The following FAM163A variants were observed in gnomAD, a reference collection of about 807,000 sequenced individuals.
FAM163A encodes protein FAM163A.
A neutral mutation model predicts 12.0 loss-of-function variants in FAM163A; 7 were observed. The observed-to-expected ratio is 0.58, with a 90% CI of 0.33 to 1.10. FAM163A has a LOEUF of 1.10. FAM163A is among the 50% of genes least tolerant of loss of function. FAM163A has a pLI of 0.03. For synonymous variants in FAM163A, 101 were observed against 91.0 expected (o/e 1.11, Z -0.62); for missense variants, 202 against 218.6 (o/e 0.92, Z 0.48).
intron 1 of FAM163A, among the ~76,000 whole-genome samples, chr1:179,775,554 T>TCCCC (rs1242771706): frequency 6.6e-6 from 1 of 152,164 alleles, no homozygotes; most frequent in African/African-American, 2.4e-5. Context: ...AATCGCAATA[T>TCCCC]CCCCTGTCAA....
intron 1 of FAM163A, among the ~76,000 whole-genome samples, chr1:179,744,603 C>T (rs1293488612): frequency 2.6e-5 from 4 of 152,214 alleles, no homozygotes; most frequent in Admixed American, 2.0e-4. Flanking sequence ...TTCCTTTCCT[C>T]TGAGTGGAAC....
At chr1:179,734,419 T>A in the FAM163A span, among the ~76,000 whole-genome samples, 3 of 152,158 alleles carry the variant, frequency 2.0e-5, no homozygotes, top group South Asian at 6.2e-4. Flanking sequence ...TCCTTTTTTT[T>A]ATATCTGTCT....
intron 1 of FAM163A, among the ~76,000 whole-genome samples, chr1:179,776,962 G>T (rs1689068685): frequency 6.6e-6 from 1 of 152,170 alleles, no homozygotes; most frequent in African/African-American, 2.4e-5. Flanking sequence ...TACGCCAATG[G>T]AATTATGCAA....
At chr1:179,735,852 G>C in the FAM163A span, among the ~76,000 whole-genome samples, 1 of 152,134 alleles carries the variant, frequency 6.6e-6, no homozygotes, top group Non-Finnish European at 1.5e-5. Context: ...AGCAGCACTC[G>C]CACTTGCATG....
chr1:179,799,137 TGCTG>T lies in FAM163A; in HGVS notation c.-135-8660_-135-8657del, dbSNP rs538397491. On this transcript the variant is annotated intron_variant, in intron 1 of 4. Coordinates refer to ENST00000341785, the MANE Select transcript of FAM163A (RefSeq NM_173509.3). Reference sequence around the variant, plus strand: ...GAAACAAGTGAAACAAGTGTTTCACTGCTGAAAGAAGTGAAACAAGCCCTATAGA... The same window carrying T: ...GAAACAAGTGAAACAAGTGTTTCACTAAAGAAGTGAAACAAGCCCTATAGA... Among the ~76,000 whole-genome samples, 1,361 of 152,308 alleles carry T rather than the reference TGCTG, an allele frequency of 8.9e-3. 20 individuals are homozygous for T. Among genetic ancestry groups the T allele is most frequent in the African/African-American group, 0.031 (1,293 of 41,560 alleles).
chr1:179,744,325 G>A (rs2487739), intron 1 of FAM163A, among the ~76,000 whole-genome samples: 94,488 of 151,818 alleles, frequency 0.62, 30,264 homozygotes, highest in African/African-American at 0.77. Flanking sequence ...GGCCCAGAGG[G>A]GGGCCTGGCC....
intron 1 of FAM163A, among the ~76,000 whole-genome samples, chr1:179,797,049 A>G (rs545966518): frequency 6.6e-6 from 1 of 152,276 alleles, no homozygotes; most frequent in African/African-American, 2.4e-5. Flanking sequence ...GAATCAGCAC[A>G]TCCTGCCTCA....
At chr1:179,765,101 C>G (rs1373180506) in intron 1 of FAM163A, among the ~76,000 whole-genome samples, 2 of 152,190 alleles carry the variant, frequency 1.3e-5, no homozygotes, top group Non-Finnish European at 2.9e-5. Flanking sequence ...AACCCCCTTC[C>G]TCGTCCACCT....
At chr1:179,729,904 G>A in the FAM163A span, among the ~76,000 whole-genome samples, 6 of 152,262 alleles carry the variant, frequency 3.9e-5, no homozygotes, top group East Asian at 5.8e-4. Context: ...TGGGCATAGC[G>A]AGGATGCATA....
At chr1:179,729,178 G>A in the FAM163A span, among the ~76,000 whole-genome samples, 2 of 152,096 alleles carry the variant, frequency 1.3e-5, no homozygotes, top group Non-Finnish European at 2.9e-5. Flanking sequence ...AAGAAACTTG[G>A]TGTATATTGA....
At chr1:179,742,100 A>C (rs1020169129), upstream of FAM163A, 2 of 152,204 alleles carry the variant, frequency 1.3e-5, no homozygotes, top group African/African-American at 4.8e-5. Context: ...ACCTGTGAGT[A>C]GAGTTAGAGT....
intron 3 of FAM163A, among the ~76,000 whole-genome samples, chr1:179,812,391 G>C (rs1476867795): frequency 2.0e-5 from 3 of 152,090 alleles, no homozygotes; most frequent in African/African-American, 7.2e-5. Context: ...ACTCCCTCTG[G>C]GCTCGCCTTG....
intron 1 of FAM163A, among the ~76,000 whole-genome samples, chr1:179,756,512 C>T (rs1408828816): frequency 1.3e-5 from 2 of 152,160 alleles, no homozygotes; most frequent in Non-Finnish European, 2.9e-5. Context: ...AGGAAAAGTA[C>T]TCTGGGGGAA....
At chr1:179,796,132 T>TACAC (rs35899165) in intron 1 of FAM163A, among the ~76,000 whole-genome samples, 3,267 of 145,392 alleles carry the variant, frequency 0.022, 52 homozygotes, top group Middle Eastern at 0.039. Context: ...CATTCAATAA[T>TACAC]ACACACACAC....
chr1:179,745,530 T>C (rs1684350983), intron 1 of FAM163A, among the ~76,000 whole-genome samples: 1 of 152,128 alleles, frequency 6.6e-6, no homozygotes, highest in South Asian at 2.1e-4. Flanking sequence ...AGAGGAGAAG[T>C]TGGGAATCTT....
chr1:179,799,988 A>G (rs1424151763), intron 1 of FAM163A, among the ~76,000 whole-genome samples: 14 of 152,236 alleles, frequency 9.2e-5, no homozygotes, highest in Admixed American at 9.2e-4. Context: ...CAGCAGAGAC[A>G]TGTGGACAGT....
chr1:179,739,444 G>A (rs149180314), upstream of FAM163A, among the ~76,000 whole-genome samples: 1 of 152,182 alleles, frequency 6.6e-6, no homozygotes, highest in Admixed American at 6.5e-5. Flanking sequence ...CCAACTCATG[G>A]CCCACTGGCC....
At chr1:179,772,680 AC>A (rs1221980334) in intron 1 of FAM163A, among the ~76,000 whole-genome samples, 2 of 152,148 alleles carry the variant, frequency 1.3e-5, no homozygotes, top group Admixed American at 1.3e-4. Context: ...ATTGGCTATA[AC>A]AGCTAACAAT....
chr1:179,749,856 CA>C (rs34577773), intron 1 of FAM163A, among the ~76,000 whole-genome samples: 36,133 of 151,870 alleles, frequency 0.24, 4,963 homozygotes, highest in East Asian at 0.63. Context: ...GAAACTCTGT[CA>C]AAAAAATAAA....
Sources: gnomAD v4.1 joint callset for allele counts (sites outside exome capture counted in the v4.1 genomes callset) on GRCh38, gnomAD v4.1.1 for gene constraint, MANE v1.5 for transcripts, NCBI Gene and HGNC (gene_info 2026-07-23, HGNC 2026-07-21) for gene names.